The following PDE10A variants were observed in gnomAD, a reference collection of about 807,000 sequenced individuals.
PDE10A encodes phosphodiesterase 10A.
Under a neutral mutation model 97.7 loss-of-function variants are expected in PDE10A, and 39 were observed. The ratio of observed to expected loss-of-function variants is 0.40; its 90% confidence interval spans 0.31 to 0.52. The LOEUF (loss-of-function observed/expected upper bound fraction) is 0.52, where lower values mean the gene tolerates loss of function less well. PDE10A is among the 20% of genes least tolerant of loss of function. The probability of loss-of-function intolerance (pLI) is 0.56; values close to 1 mark genes in which losing one functional copy is unlikely to be tolerated. For synonymous variants in PDE10A, 371 were observed against 376.8 expected (o/e 0.98, Z 0.18); for missense variants, 731 against 1,047.8 (o/e 0.70, Z 4.17).
chr6:165,921,795 C>T (rs1192744984), intron 1 of PDE10A, among the ~76,000 whole-genome samples: 1 of 152,204 alleles, frequency 6.6e-6, no homozygotes, highest in Non-Finnish European at 1.5e-5. Context: ...GGCAGGGCTA[C>T]ACCACGTAGG....
chr6:165,711,822 A>G lies in PDE10A; in HGVS notation c.-614-168254T>C, dbSNP rs1343386581. On this transcript the variant is annotated intron_variant, in intron 1 of 19. Transcript: ENST00000366882. This position sits in a 1 kb window ranked among gnomAD's most constrained non-coding sequence, Gnocchi z 4.5. ...GCCTGTGTTATATTGTCTGTACCTT[A>G]GTGTAAAATGCTTTAGCATAAACAG... Among the ~76,000 whole-genome samples, 1 of 152,182 alleles carries G rather than the reference A, an allele frequency of 6.6e-6. No homozygotes were observed. The highest frequency in any genetic ancestry group is 1.5e-5 in the Non-Finnish European group (1 of 68,038).
intron 1 of PDE10A, among the ~76,000 whole-genome samples, chr6:165,670,417 C>T (rs907482569): frequency 6.6e-6 from 1 of 152,182 alleles, no homozygotes; most frequent in Admixed American, 6.5e-5. Flanking sequence ...CCATCTGAAA[C>T]ATAAAGGCCT....
chr6:165,557,823 A>T (rs1291422684), intron 1 of PDE10A, among the ~76,000 whole-genome samples: 1 of 152,208 alleles, frequency 6.6e-6, no homozygotes, highest in Non-Finnish European at 1.5e-5. Flanking sequence ...GAATAAGGGA[A>T]CTCAAAAAAC....
At chr6:165,823,165 C>A (rs1779621528) in intron 1 of PDE10A, among the ~76,000 whole-genome samples, 2 of 151,630 alleles carry the variant, frequency 1.3e-5, no homozygotes, top group Non-Finnish European at 2.9e-5. Context: ...GGGCCCTTGT[C>A]CAAAAGGGTC....
At chr6:165,647,757 G>A (rs575505522) in intron 1 of PDE10A, among the ~76,000 whole-genome samples, 15 of 152,254 alleles carry the variant, frequency 9.9e-5, no homozygotes, top group East Asian at 1.9e-4. Flanking sequence ...CCCTTTGGAC[G>A]TCACTTGCAG....
intron 1 of PDE10A, among the ~76,000 whole-genome samples, chr6:165,636,678 A>G (rs898926731): frequency 2.6e-5 from 4 of 152,230 alleles, no homozygotes; most frequent in Non-Finnish European, 5.9e-5. Context: ...GCAAGCTATT[A>G]TTTTGCAAAA....
chr6:165,425,033 C>G lies in PDE10A; in HGVS notation c.1653+3625G>C, dbSNP rs550562157. ...CCTGTTGATATCTGTTGTTTCCATTCAACAGTGTTCATTAGGTTCCAGCTA... is the reference window on the plus strand; with the variant it reads ...CCTGTTGATATCTGTTGTTTCCATTGAACAGTGTTCATTAGGTTCCAGCTA... On this transcript the variant is annotated intron_variant, in intron 10 of 21. Coordinates refer to ENST00000539869, the MANE Select transcript of PDE10A (RefSeq NM_001385079.1). 2.0e-5 allele frequency among the ~76,000 whole-genome samples: 3 copies of G among 152,126 alleles called. No homozygotes were observed. The East Asian group carries it at 5.8e-4, about 29-fold the overall frequency.
chr6:165,353,626 C>T (rs1462214895), intron 18 of PDE10A, among the ~76,000 whole-genome samples: 1 of 152,110 alleles, frequency 6.6e-6, no homozygotes, highest in South Asian at 2.1e-4. Context: ...TGGAAAAAGC[C>T]AATTTGAAAG....
Position 165,778,031 on chromosome 6 carries a change from CA to C in PDE10A, c.-615+209497del, listed in dbSNP as rs534703266. 4.0e-3 allele frequency among the ~76,000 whole-genome samples: 597 copies of C among 147,442 alleles called. 2 individuals carry two copies. Among genetic ancestry groups the C allele is most frequent in the South Asian group, 7.5e-3 (36 of 4,816 alleles). The stretch of plus-strand genomic sequence containing the variant: ...TTTGGGGTTTAAATTAAAAAGGCTA[CA>C]TTTTTTTTTCATTTTTGCTACATGT... On this transcript the variant is annotated intron_variant, in intron 1 of 19. Coordinates refer to the PDE10A transcript ENST00000366882.
intron 1 of PDE10A, among the ~76,000 whole-genome samples, chr6:165,804,571 C>A (rs138472685): frequency 1.0e-3 from 158 of 152,240 alleles, no homozygotes; most frequent in African/African-American, 3.6e-3. Context: ...GAAGTGGCTG[C>A]AGGTTAGTTT....
chr6:165,551,860 G>C (rs1269311547), intron 1 of PDE10A, among the ~76,000 whole-genome samples: 3 of 152,180 alleles, frequency 2.0e-5, no homozygotes, highest in African/African-American at 7.2e-5. Flanking sequence ...GGAGACCCAA[G>C]ACTAATCGGA....
chr6:165,880,191 C>T lies in PDE10A; in HGVS notation c.-615+107338G>A, dbSNP rs76291427. 7.8e-3 allele frequency among the ~76,000 whole-genome samples: 1,195 copies of T among 152,258 alleles called. 50 individuals carry two copies. The highest frequency in any genetic ancestry group is 0.071 in the Admixed American group (1,082 of 15,288). On this transcript the variant is annotated intron_variant, in intron 1 of 19. Coordinates refer to the PDE10A transcript ENST00000366882. ...CAGTCCTCCTAACCACTCTGCCAGA[C>T]GGCATCTTTGGGCTATTTGGCCTTC...
intron 1 of PDE10A, among the ~76,000 whole-genome samples, chr6:165,732,246 G>T (rs1792456256): frequency 6.6e-6 from 1 of 152,122 alleles, no homozygotes; most frequent in Non-Finnish European, 1.5e-5. Context: ...ATGATTTAAG[G>T]TAACTCAAAA....
chr6:165,986,283 A>G, intron 1 of PDE10A: 1 of 152,298 alleles, frequency 6.6e-6, no homozygotes, highest in South Asian at 2.1e-4. Context: ...CGGAGAGGAG[A>G]GTGAAGGTGG....
chr6:165,755,736 A>C (rs1170061479), intron 1 of PDE10A, among the ~76,000 whole-genome samples: 13 of 150,468 alleles, frequency 8.6e-5, no homozygotes, highest in African/African-American at 3.2e-4. Context: ...GAGGAGGCAG[A>C]GGCTGCTGCA....
At chr6:165,817,323 T>C (rs186710406) in intron 1 of PDE10A, among the ~76,000 whole-genome samples, 1 of 152,276 alleles carries the variant, frequency 6.6e-6, no homozygotes, top group Admixed American at 6.5e-5. Flanking sequence ...TAGGGTCAAG[T>C]GTCCATCCCT....
chr6:165,522,356 A>T (rs1027834168), intron 2 of PDE10A, among the ~76,000 whole-genome samples: 1 of 152,134 alleles, frequency 6.6e-6, no homozygotes, highest in Non-Finnish European at 1.5e-5. Context: ...CAAAAAGAAA[A>T]CTATAGTCTA....
intron 1 of PDE10A, among the ~76,000 whole-genome samples, chr6:165,914,105 C>G (rs529451297): frequency 6.6e-6 from 1 of 152,352 alleles, no homozygotes; most frequent in East Asian, 1.9e-4. Context: ...GCCACCCCTA[C>G]ATATACACCT....
At chr6:165,950,098 G>T (rs1455016993) in intron 1 of PDE10A, among the ~76,000 whole-genome samples, 1 of 152,146 alleles carries the variant, frequency 6.6e-6, no homozygotes, top group Non-Finnish European at 1.5e-5. Context: ...CTTTATCATT[G>T]TTAGGTTATC....
Sources: gnomAD v4.1 joint callset for allele counts (sites outside exome capture counted in the v4.1 genomes callset) on GRCh38, gnomAD v4.1.1 for gene constraint, Gnocchi (gnomAD v3.1) non-coding constraint, MANE v1.5 for transcripts, NCBI Gene and HGNC (gene_info 2026-07-23, HGNC 2026-07-21) for gene names.